CARHSP1: variants seen among roughly 807,000 people sequenced by gnomAD.
The protein encoded by CARHSP1 is calcium-regulated heat-stable protein 1.
CARHSP1 carries 14 observed loss-of-function variants against 12.5 expected under a neutral mutation model. That is an observed-to-expected ratio of 1.12 (90% CI 0.74 to 1.75). CARHSP1 has a LOEUF of 1.75. CARHSP1 is among the 40% of genes most tolerant of loss of function. CARHSP1 has a pLI of 0.00. For missense variants in CARHSP1, 343 were observed against 201.6 expected, an observed-to-expected ratio of 1.70 and a Z score of -4.25; for synonymous variants, 161 against 82.0, an observed-to-expected ratio of 1.96 and a Z score of -5.20.
At chr16:8,863,200 G>T (rs1198316214) in intron 1 of CARHSP1, among the ~76,000 whole-genome samples, 1 of 135,078 alleles carries the variant, frequency 7.4e-6, no homozygotes, top group Non-Finnish European at 1.5e-5. Flanking sequence ...GCTCACTGAA[G>T]CCTCTCAACC....
In CARHSP1 at chr16:8,858,412, G is replaced by C. The variant is rs1478394824; in HGVS notation, c.219C>G (p.Ser73=). The C allele has an allele frequency of 1.2e-6, 2 of 1,613,968 alleles. No homozygotes were observed. Among genetic ancestry groups the C allele is most frequent in the African/African-American group, 1.3e-5 (1 of 74,908 alleles). ...YKGVCKCFCR[S]KGHGFITPAD... is the part of the protein sequence containing the mutation. Reference sequence around the variant, plus strand: ...CTGGAGTAATGAAGCCATGGCCCTTGGACCGGCAGAAGCATTTGCAGACTC... The same window carrying C: ...CTGGAGTAATGAAGCCATGGCCCTTCGACCGGCAGAAGCATTTGCAGACTC... The change falls in exon 3 of 4, where the codon TCC becomes TCG. Residue 73 remains serine (S), a synonymous_variant. Coordinates refer to ENST00000311052, the MANE Select transcript of CARHSP1 (RefSeq NM_014316.4).
chr16:8,860,516 C>G (rs899374831), intron 1 of CARHSP1: 1 of 985,402 alleles, frequency 1.0e-6, no homozygotes, highest in Non-Finnish European at 1.2e-6. Context: ...GAGAAACAGT[C>G]CAGCAGTCAG....
chr16:8,858,787 C>T, intron 2 of CARHSP1: 1 of 438,434 alleles, frequency 2.3e-6, no homozygotes, highest in Non-Finnish European at 4.1e-6. Context: ...AAGCATCCTC[C>T]ACTCGCAAGG....
At chr16:8,856,514 C>A (rs1347616688) in intron 3 of CARHSP1, among the ~76,000 whole-genome samples, 1 of 151,952 alleles carries the variant, frequency 6.6e-6, no homozygotes, top group Non-Finnish European at 1.5e-5. Context: ...AAAATCCTTT[C>A]TGGGACAAGG....
intron 1 of CARHSP1, chr16:8,861,544 G>A (rs1359716359): frequency 2.6e-6 from 3 of 1,168,990 alleles, no homozygotes; most frequent in Non-Finnish European, 2.3e-6. Context: ...GAGAAGGGAT[G>A]CCCCATCCCT....
At chr16:8,856,108 C>G (rs1050454381) in intron 3 of CARHSP1, among the ~76,000 whole-genome samples, 1 of 152,218 alleles carries the variant, frequency 6.6e-6, no homozygotes, top group Non-Finnish European at 1.5e-5. Context: ...CACGCCTGGA[C>G]TCCCGGTGAG....
At chr16:8,864,152 T>C (rs986291276) in intron 1 of CARHSP1, among the ~76,000 whole-genome samples, 9 of 152,244 alleles carry the variant, frequency 5.9e-5, no homozygotes, top group African/African-American at 1.9e-4. Context: ...TATGTAGGTG[T>C]ATGCACATGT....
intron 3 of CARHSP1, among the ~76,000 whole-genome samples, chr16:8,855,959 G>C (rs569176670): frequency 2.0e-5 from 3 of 151,970 alleles, no homozygotes; most frequent in Non-Finnish European, 4.4e-5. Flanking sequence ...GGGACTATAG[G>C]CACCACAGCC....
Position 8,858,460 on chromosome 16 carries a change from A to G in CARHSP1, c.171T>C (p.Ala57=), listed in dbSNP as rs781391215. 9 of 1,613,732 alleles carry G rather than the reference A, an allele frequency of 5.6e-6. No individual in the cohort carries two copies. In the African/African-American group the frequency reaches 8.0e-5, roughly 14 times the overall value. ...CTCCTTTGTAGACGGGGCCCTGTGA[A>G]GCCCGCACCGTCCTGACAGAGAGGG... ...RTRTFSATVR[A]SQGPVYKGVC... Residue 57 remains alanine, a synonymous_variant, in exon 3 of 4, where the codon GCT becomes GCC. Coordinates refer to ENST00000311052, the MANE Select transcript of CARHSP1 (RefSeq NM_014316.4).
Position 8,855,058 on chromosome 16 carries a change from C to A in CARHSP1, c.*106G>T. The A allele has an allele frequency of 9.2e-7, 1 of 1,081,972 alleles. No homozygotes were observed. The highest frequency in any genetic ancestry group is 1.3e-6 in the Non-Finnish European group (1 of 790,598). 67.0% of individuals were successfully genotyped at this position (1,081,972 alleles called of 1,614,324 possible). A position where few individuals can be genotyped will look rare whatever the true frequency, so the allele number is the denominator to read the frequency against. ...GGAGATACTTGAGAGGGACCATGCCCGGCTGAAGCCCCGTCTCGTGTGGAA... is the reference window on the plus strand; with the variant it reads ...GGAGATACTTGAGAGGGACCATGCCAGGCTGAAGCCCCGTCTCGTGTGGAA... On this transcript the variant is annotated 3_prime_UTR_variant, in exon 4 of 4. Coordinates refer to ENST00000311052, the MANE Select transcript of CARHSP1 (RefSeq NM_014316.4).
chr16:8,861,067 TTTTA>T (rs2061338293), intron 1 of CARHSP1, among the ~76,000 whole-genome samples: 1 of 129,148 alleles, frequency 7.7e-6, no homozygotes, highest in Non-Finnish European at 1.7e-5. Context: ...AATAAATAAC[TTTTA>T]TTTTTTTGAG....
chr16:8,857,278 T>TTG (rs2061159431), intron 3 of CARHSP1, among the ~76,000 whole-genome samples: 1 of 116,738 alleles, frequency 8.6e-6, no homozygotes, highest in African/African-American at 3.3e-5. Context: ...TTTTTTTTTT[T>TTG]TTTTTTTTTT....
At chr16:8,864,340 G>A (rs1407363163) in intron 1 of CARHSP1, among the ~76,000 whole-genome samples, 3 of 152,162 alleles carry the variant, frequency 2.0e-5, no homozygotes, top group Non-Finnish European at 4.4e-5. Flanking sequence ...CACCTGTGCT[G>A]CCACAGGGGA....
At chr16:8,860,960 G>C (rs1596539517) in intron 1 of CARHSP1, among the ~76,000 whole-genome samples, 2 of 151,304 alleles carry the variant, frequency 1.3e-5, no homozygotes, top group Admixed American at 1.3e-4. Flanking sequence ...CAAAGCTGGA[G>C]AATTGCTTGA....
Position 8,854,267 on chromosome 16 carries a change from G to T in CARHSP1, c.*897C>A, listed in dbSNP as rs1032005599. 2 of 152,176 alleles carry T rather than the reference G, an allele frequency of 1.3e-5. No homozygotes were observed. The highest frequency in any genetic ancestry group is 4.8e-5 in the African/African-American group (2 of 41,426). 9.4% of individuals were successfully genotyped at this position (152,176 alleles called of 1,614,324 possible). A position where few individuals can be genotyped will look rare whatever the true frequency, so the allele number is the denominator to read the frequency against. On this transcript the variant is annotated 3_prime_UTR_variant, in exon 4 of 4. Transcript: ENST00000311052. ...TCAACTTTCTTGACTTTGCCAGGCT[G>T]TCAGGATGCAAGCTACCTACTCTTT...
chr16:8,853,472 C>G lies in CARHSP1; in HGVS notation c.*1692G>C, dbSNP rs1295527928. On this transcript the variant is annotated 3_prime_UTR_variant, in exon 4 of 4. Coordinates refer to ENST00000311052, the MANE Select transcript of CARHSP1 (RefSeq NM_014316.4). ...GGAACTGCCTTTGTCTCCACACACT[C>G]GCAATCAACATGCGTATTTGCTATT... 1 of 152,142 alleles carries G rather than the reference C, an allele frequency of 6.6e-6. No individual in the cohort carries two copies. Among genetic ancestry groups the G allele is most frequent in the African/African-American group, 2.4e-5 (1 of 41,424 alleles). The allele number at this position is 152,142 out of a possible 1,614,324, so 9.4% of individuals were successfully genotyped here.
chr16:8,860,013 C>T (rs2061298930), intron 1 of CARHSP1: 1 of 364,000 alleles, frequency 2.7e-6, no homozygotes, highest in Non-Finnish European at 3.8e-6. Flanking sequence ...ATTTTAATGC[C>T]AACCACCTAG....
intron 3 of CARHSP1, chr16:8,857,466 A>AT (rs1333685576): frequency 1.4e-4 from 14 of 101,672 alleles, no homozygotes; most frequent in Non-Finnish European, 2.4e-4. Flanking sequence ...TTTTTTTTCT[A>AT]TTTTTTTGTA....
rs187869321 is a variant in CARHSP1, at chr16:8,854,158, T to C, written c.*1006A>G. ...CGGCTCTGGGTGAAAGCTTTAGTTA[T>C]GAAAAATAAGAAAAAAAAAATCCCT... On this transcript the variant is annotated 3_prime_UTR_variant, in exon 4 of 4. Transcript: ENST00000311052. 15 of 151,462 alleles carry C rather than the reference T, an allele frequency of 9.9e-5. No individual in the cohort carries two copies. Among genetic ancestry groups the C allele is most frequent in the African/African-American group, 2.2e-4 (9 of 41,398 alleles). The allele number at this position is 151,462 out of a possible 1,614,324, so 9.4% of individuals were successfully genotyped here.
Sources: gnomAD v4.1 joint callset for allele counts (sites outside exome capture counted in the v4.1 genomes callset) on GRCh38, gnomAD v4.1.1 for gene constraint, MANE v1.5 for transcripts, NCBI Gene and HGNC (gene_info 2026-07-23, HGNC 2026-07-21) for gene names.